Variants in DLGAP1 observed in about 807,000 individuals in gnomAD.
DLGAP1 encodes DLG associated protein 1.
A neutral mutation model predicts 90.8 loss-of-function variants in DLGAP1; 11 were observed. That is an observed-to-expected ratio of 0.12 (90% CI 0.08 to 0.20). The LOEUF (loss-of-function observed/expected upper bound fraction) is 0.20. DLGAP1 is among the 10% of genes least tolerant of loss of function. DLGAP1 has a pLI of 1.00. For missense variants in DLGAP1, 1,050 were observed against 1,333.8 expected, an observed-to-expected ratio of 0.79 and a Z score of 3.31; for synonymous variants, 558 against 540.7, an observed-to-expected ratio of 1.03 and a Z score of -0.44.
intron 4 of DLGAP1, among the ~76,000 whole-genome samples, chr18:3,862,912 G>A (rs572704832): frequency 6.6e-6 from 1 of 152,360 alleles, no homozygotes; most frequent in African/African-American, 2.4e-5. Context: ...CCCGCTTTGG[G>A]CACACAGAAA....
At chr18:4,326,041 A>G (rs1401182707) in intron 1 of DLGAP1, among the ~76,000 whole-genome samples, 1 of 152,180 alleles carries the variant, frequency 6.6e-6, no homozygotes, top group East Asian at 1.9e-4. Flanking sequence ...GAGTTTCTAC[A>G]TTACAAAGAA....
At chr18:3,815,957 C>A (rs1052913358) in intron 4 of DLGAP1, among the ~76,000 whole-genome samples, 14 of 152,030 alleles carry the variant, frequency 9.2e-5, no homozygotes, top group Admixed American at 5.2e-4. Flanking sequence ...AAAGGAGGAT[C>A]CAGGAAAGGC....
At chr18:4,150,198 A>G (rs113328922) in intron 2 of DLGAP1, among the ~76,000 whole-genome samples, 1,859 of 152,280 alleles carry the variant, frequency 0.012, 36 homozygotes, top group African/African-American at 0.042. Flanking sequence ...CACTGTCTCA[A>G]GCAAGTAACG....
chr18:3,791,898 C>T (rs578048044), intron 5 of DLGAP1, among the ~76,000 whole-genome samples: 9 of 151,942 alleles, frequency 5.9e-5, no homozygotes, highest in Admixed American at 1.3e-4. Flanking sequence ...AGCAACAGAG[C>T]GAGATTCTGC....
chr18:4,305,534 C>CAA (rs562977821), intron 1 of DLGAP1, among the ~76,000 whole-genome samples: 2,571 of 73,010 alleles, frequency 0.035, 38 homozygotes, highest in East Asian at 0.061. Flanking sequence ...AACTCCGTCT[C>CAA]AAAAAAAAAA....
intron 2 of DLGAP1, among the ~76,000 whole-genome samples, chr18:4,126,969 A>C (rs1465644743): frequency 6.6e-6 from 1 of 152,232 alleles, no homozygotes; most frequent in Non-Finnish European, 1.5e-5. Context: ...AATTTCCTTC[A>C]CTTCATTTAT....
intron 1 of DLGAP1, among the ~76,000 whole-genome samples, chr18:4,305,897 G>A (rs1027261800): frequency 1.8e-5 from 1 of 55,188 alleles, no homozygotes; most frequent in Non-Finnish European, 8.0e-5. Flanking sequence ...AACAAAATTT[G>A]GCATGATTAT....
intron 7 of DLGAP1, among the ~76,000 whole-genome samples, chr18:3,609,442 G>C (rs1334523083): frequency 6.6e-6 from 1 of 152,170 alleles, no homozygotes. Context: ...TGTGATAGGA[G>C]TCTTAGCCAT....
chr18:3,604,752 TC>T (rs1226770660), intron 7 of DLGAP1, among the ~76,000 whole-genome samples: 32 of 152,326 alleles, frequency 2.1e-4, no homozygotes, highest in African/African-American at 6.7e-4. Context: ...ACTCAAGGTT[TC>T]TCCAACTCTG....
At chr18:3,872,494 A>G (rs575207427) in intron 4 of DLGAP1, among the ~76,000 whole-genome samples, 1 of 152,300 alleles carries the variant, frequency 6.6e-6, no homozygotes, top group South Asian at 2.1e-4. Flanking sequence ...GAATTTACCA[A>G]AATAATGTGA....
chr18:4,346,894 T>G (rs1455007138), intron 1 of DLGAP1, among the ~76,000 whole-genome samples: 1 of 151,964 alleles, frequency 6.6e-6, no homozygotes, highest in African/African-American at 2.4e-5. Context: ...CAGAAAACAG[T>G]AACTCTATAA....
chr18:3,593,576 T>TTG (rs1161530530), intron 7 of DLGAP1, among the ~76,000 whole-genome samples: 1 of 151,756 alleles, frequency 6.6e-6, no homozygotes, highest in Admixed American at 6.6e-5. Flanking sequence ...AAAAATATGC[T>TTG]TGTGTGTGTG....
intron 10 of DLGAP1, among the ~76,000 whole-genome samples, chr18:3,521,870 T>C (rs1053212084): frequency 6.6e-6 from 1 of 152,236 alleles, no homozygotes; most frequent in African/African-American, 2.4e-5. Context: ...TGTGATATTC[T>C]GATCCTTGAG....
chr18:3,729,542 C>T lies in DLGAP1; in HGVS notation c.1351-167G>A, dbSNP rs1395215068. The stretch of plus-strand genomic sequence containing the variant: ...TTACAGGCTATAATTGAATGGCATC[C>T]GCTTATAATTCCAAACAATAGATTA... On this transcript the variant is annotated intron_variant, in intron 6 of 12. Transcript: ENST00000315677. This position sits in a 1 kb window ranked among gnomAD's most constrained non-coding sequence, Gnocchi z 6.2. Among the ~76,000 whole-genome samples, 1 of 151,862 alleles carries T rather than the reference C, an allele frequency of 6.6e-6. No individual in the cohort carries two copies. Among genetic ancestry groups the T allele is most frequent in the Non-Finnish European group, 1.5e-5 (1 of 68,014 alleles).
chr18:3,740,963 C>T (rs1183374468), intron 6 of DLGAP1, among the ~76,000 whole-genome samples: 4 of 145,214 alleles, frequency 2.8e-5, no homozygotes, highest in African/African-American at 7.7e-5. Flanking sequence ...TCACCACCAC[C>T]ACCACCATCA....
chr18:4,294,256 C>G (rs2079920714), intron 1 of DLGAP1: 1 of 152,192 alleles, frequency 6.6e-6, no homozygotes, highest in African/African-American at 2.4e-5. Context: ...ATGTTATATT[C>G]CCAGCTAAAT....
rs761018160 is a variant in DLGAP1, at chr18:3,880,092, G to C, written c.-24C>G. On this transcript the variant is annotated 5_prime_UTR_variant, in exon 4 of 13. Transcript: ENST00000315677. ...ATGGCGGACCGGAAGCAGCCGCCAG[G>C]GTCATGGACACCCGGAAGTCAGGCT... is the stretch of plus-strand genomic sequence containing the variant. The C allele has an allele frequency of 1.0e-5, 16 of 1,593,610 alleles. No individual in the cohort carries two copies. The highest frequency in any genetic ancestry group is 1.4e-5 in the Non-Finnish European group (16 of 1,176,726).
chr18:3,586,997 G>C (rs1476939841), intron 7 of DLGAP1, among the ~76,000 whole-genome samples: 1 of 152,182 alleles, frequency 6.6e-6, no homozygotes, highest in Admixed American at 6.5e-5. Context: ...AAATGAGAAA[G>C]AGAAAAAGAG....
chr18:4,046,090 C>T (rs761397119), intron 2 of DLGAP1, among the ~76,000 whole-genome samples: 23 of 152,148 alleles, frequency 1.5e-4, no homozygotes, highest in Non-Finnish European at 3.1e-4. Flanking sequence ...TCTGTATGTC[C>T]CCATCTGGCA....
Sources: gnomAD v4.1 joint callset for allele counts (sites outside exome capture counted in the v4.1 genomes callset) on GRCh38, gnomAD v4.1.1 for gene constraint, Gnocchi (gnomAD v3.1) non-coding constraint, MANE v1.5 for transcripts, NCBI Gene and HGNC (gene_info 2026-07-23, HGNC 2026-07-21) for gene names.